HPSE2: variants seen among roughly 807,000 people sequenced by gnomAD.
HPSE2 encodes inactive heparanase-2.
A neutral mutation model predicts 60.5 loss-of-function variants in HPSE2; 38 were observed. The ratio of observed to expected loss-of-function variants is 0.63; its 90% CI spans 0.48 to 0.82. The LOEUF is 0.82. HPSE2 is among the 40% of genes least tolerant of loss of function. HPSE2 has a pLI of 0.00. For synonymous variants in HPSE2, 295 were observed against 293.2 expected, an observed-to-expected ratio of 1.01 and a Z score of -0.06; for missense variants, 713 against 740.4, an observed-to-expected ratio of 0.96 and a Z score of 0.43.
chr10:99,256,878 C>A, the HPSE2 span, among the ~76,000 whole-genome samples: 1 of 152,142 alleles, frequency 6.6e-6, no homozygotes, highest in Non-Finnish European at 1.5e-5. Flanking sequence ...ATGGTGATAC[C>A]CTGTCTGTTG....
At chr10:98,692,507 G>A (rs1414025439) in intron 6 of HPSE2, among the ~76,000 whole-genome samples, 1 of 151,862 alleles carries the variant, frequency 6.6e-6, no homozygotes, top group African/African-American at 2.4e-5. Context: ...GGTGGCTCAC[G>A]CCTGTAATCC....
chr10:98,879,528 G>A (rs1486127095), intron 3 of HPSE2, among the ~76,000 whole-genome samples: 1 of 151,932 alleles, frequency 6.6e-6, no homozygotes. Context: ...CCACATTTGA[G>A]GCAATGGATT....
chr10:98,660,428 A>G (rs1185837337), intron 6 of HPSE2, among the ~76,000 whole-genome samples: 1 of 152,188 alleles, frequency 6.6e-6, no homozygotes, highest in African/African-American at 2.4e-5. Flanking sequence ...AAGGTCATAC[A>G]ACTTATTATT....
intron 3 of HPSE2, among the ~76,000 whole-genome samples, chr10:98,749,950 ACACACACT>A (rs1466663541): frequency 4.1e-5 from 6 of 146,106 alleles, no homozygotes; most frequent in South Asian, 2.1e-4. Flanking sequence ...ATATATATAC[ACACACACT>A]TACACACACA....
At chr10:98,954,552 A>C (rs1168855976) in intron 3 of HPSE2, among the ~76,000 whole-genome samples, 1 of 152,146 alleles carries the variant, frequency 6.6e-6, no homozygotes, top group African/African-American at 2.4e-5. Context: ...CTAAATCAGC[A>C]TTTCTTATAT....
At chr10:98,683,414 A>G (rs1947834776) in intron 6 of HPSE2, among the ~76,000 whole-genome samples, 1 of 151,990 alleles carries the variant, frequency 6.6e-6, no homozygotes, top group African/African-American at 2.4e-5. Context: ...GGAGAAAAGA[A>G]AAAAAGAGGA....
At chr10:99,112,415 G>GTTTTGTTTTGTTTTGTTTTGTTTTGTTT (rs1564816573) in intron 3 of HPSE2, among the ~76,000 whole-genome samples, 3 of 135,904 alleles carry the variant, frequency 2.2e-5, no homozygotes, top group Admixed American at 7.9e-5. Context: ...TTTTTTTGTT[G>GTTTTGTTTTGTTTTGTTTTGTTTTGTTT]TGTTTTGTTT....
intron 2 of HPSE2, among the ~76,000 whole-genome samples, chr10:99,175,966 C>T (rs1407559174): frequency 7.2e-5 from 11 of 152,206 alleles, no homozygotes; most frequent in Non-Finnish European, 1.5e-5. Context: ...TCTGCTGTGA[C>T]ACCCAGGCAA....
intron 2 of HPSE2, among the ~76,000 whole-genome samples, chr10:99,170,063 G>A (rs1156969500): frequency 3.3e-5 from 5 of 152,182 alleles, no homozygotes; most frequent in Non-Finnish European, 5.9e-5. Flanking sequence ...TTGGTCTGCA[G>A]ACTGTACTTT....
intron 3 of HPSE2, among the ~76,000 whole-genome samples, chr10:99,060,996 AT>A (rs1159718103): frequency 1.1e-4 from 17 of 150,910 alleles, no homozygotes; most frequent in Middle Eastern, 3.4e-3. Flanking sequence ...AAAAATTTAA[AT>A]TTTTTTTTTA....
chr10:98,687,034 G>C (rs991557291), intron 6 of HPSE2, among the ~76,000 whole-genome samples: 1 of 151,586 alleles, frequency 6.6e-6, no homozygotes, highest in African/African-American at 2.4e-5. Context: ...TATGATAGTG[G>C]ATTTTTCTAT....
chr10:98,672,368 C>A (rs941070590), intron 6 of HPSE2, among the ~76,000 whole-genome samples: 1 of 152,316 alleles, frequency 6.6e-6, no homozygotes, highest in East Asian at 1.9e-4. Context: ...TAGACAATAA[C>A]GAAATTACAT....
At chr10:98,964,131 G>A (rs1197058308) in intron 3 of HPSE2, among the ~76,000 whole-genome samples, 4 of 152,132 alleles carry the variant, frequency 2.6e-5, no homozygotes, top group Non-Finnish European at 4.4e-5. Context: ...AGCCTGTCCA[G>A]TGAACTGTCA....
At chr10:99,013,868 TC>T in intron 3 of HPSE2, 1 of 368,240 alleles carries the variant, frequency 2.7e-6, no homozygotes, top group South Asian at 2.3e-5. Flanking sequence ...ATGGTAGTTT[TC>T]CCTGCACTAT....
At chr10:99,152,538 G>GT (rs1186591486) in intron 2 of HPSE2, among the ~76,000 whole-genome samples, 1 of 152,012 alleles carries the variant, frequency 6.6e-6, no homozygotes, top group Non-Finnish European at 1.5e-5. Flanking sequence ...AAGAAAATAT[G>GT]TTTTAGTTAT....
rs540112969 is a variant in HPSE2 at position 99,197,687 on chromosome 10, T to C, written c.448+34661A>G. 1.2e-3 allele frequency among the ~76,000 whole-genome samples: 190 copies of C among 152,256 alleles called. 1 individual carries two copies. The South Asian group carries it at 0.037, about 30-fold the overall frequency. On this transcript the variant is annotated intron_variant, in intron 2 of 11. Coordinates refer to ENST00000370552, the MANE Select transcript of HPSE2 (RefSeq NM_021828.5). ...ATATAAAACATGAGTCTGATGAAGA[T>C]AAACAAGACAGAGAGAATATATCAT...
chr10:98,940,808 G>C (rs1438753153), intron 3 of HPSE2, among the ~76,000 whole-genome samples: 2 of 141,394 alleles, frequency 1.4e-5, no homozygotes, highest in East Asian at 4.0e-4. Context: ...CAATATCCTT[G>C]ATGAACATTG....
At chr10:99,135,027 C>A (rs1420007623) in intron 3 of HPSE2, among the ~76,000 whole-genome samples, 1 of 151,946 alleles carries the variant, frequency 6.6e-6, no homozygotes, top group African/African-American at 2.4e-5. Context: ...GGAATATTTA[C>A]CAAGGAAATG....
chr10:98,873,085 A>C (rs936338408), intron 3 of HPSE2, among the ~76,000 whole-genome samples: 1 of 151,968 alleles, frequency 6.6e-6, no homozygotes, highest in Non-Finnish European at 1.5e-5. Context: ...AACTTTACTT[A>C]ATGCTGGAGT....
Sources: gnomAD v4.1 joint callset for allele counts (sites outside exome capture counted in the v4.1 genomes callset) on GRCh38, gnomAD v4.1.1 for gene constraint, MANE v1.5 for transcripts, NCBI Gene and HGNC (gene_info 2026-07-23, HGNC 2026-07-21) for gene names.